Variants in STAT1 observed in about 807,000 individuals in gnomAD.
STAT1 encodes the protein signal transducer and activator of transcription 1, also known as signal transducer and activator of transcription 1-alpha/beta.
A neutral mutation model predicts 111.7 loss-of-function variants in STAT1; 24 were observed. That is an observed-to-expected ratio of 0.21 (90% CI 0.16 to 0.30). STAT1 has a LOEUF of 0.30. Ranked by LOEUF, STAT1 falls within the 10% of genes least tolerant of loss-of-function variation. The pLI, the probability that STAT1 is intolerant of heterozygous loss-of-function variation, is 1.00. For synonymous variants in STAT1, 332 were observed against 326.5 expected, an observed-to-expected ratio of 1.02 and a Z score of -0.18; for missense variants, 351 against 911.9, an observed-to-expected ratio of 0.38 and a Z score of 7.92.
At chr2:191,011,010 T>C (rs1469554557) in intron 2 of STAT1, among the ~76,000 whole-genome samples, 2 of 152,238 alleles carry the variant, frequency 1.3e-5, no homozygotes, top group Non-Finnish European at 2.9e-5. Flanking sequence ...AATCTTGTCC[T>C]GCCAGACCTC....
intron 2 of STAT1, among the ~76,000 whole-genome samples, chr2:191,013,013 G>A (rs566063092): frequency 6.6e-6 from 1 of 152,198 alleles, no homozygotes; most frequent in Non-Finnish European, 1.5e-5. Flanking sequence ...AGTCCCCGGC[G>A]GGGGAAGGTG....
Position 191,007,790 on chromosome 2 carries a change from T to A in STAT1, c.274-129A>T. ...CATCTCTCATCTATTAAATTCTATA[T>A]AAGCTATGTTTGTTAAAATCAAAAT... On this transcript the variant is annotated intron_variant, in intron 4 of 24. Coordinates refer to ENST00000361099, the MANE Select transcript of STAT1 (RefSeq NM_007315.4). The surrounding 1 kb of genome is among the most constrained non-coding windows in gnomAD (Gnocchi z 4.2). The A allele has an allele frequency of 1.4e-6, 1 of 712,558 alleles. No individual in the cohort carries two copies. The highest frequency in any genetic ancestry group is 2.4e-6 in the Non-Finnish European group (1 of 417,826). 44.1% of individuals were successfully genotyped at this position (712,558 alleles called of 1,614,324 possible). A position where few individuals can be genotyped will look rare whatever the true frequency, so the allele number is the denominator to read the frequency against.
chr2:190,985,233 T>C (rs1384206071), intron 15 of STAT1, among the ~76,000 whole-genome samples: 1 of 152,222 alleles, frequency 6.6e-6, no homozygotes, highest in Non-Finnish European at 1.5e-5. Flanking sequence ...AAAAGCCCTC[T>C]TGGCACACAG....
Position 191,012,702 on chromosome 2 carries a change from C to T in STAT1, c.-2+823G>A, listed in dbSNP as rs931680355. Among the ~76,000 whole-genome samples the T allele has an allele frequency of 6.6e-5, 10 of 152,196 alleles. No homozygotes were observed. Among genetic ancestry groups the T allele is most frequent in the Admixed American group, 6.5e-5 (1 of 15,280 alleles). On this transcript the variant is annotated intron_variant, in intron 2 of 24. Coordinates refer to ENST00000361099, the MANE Select transcript of STAT1 (RefSeq NM_007315.4). This position sits in a 1 kb window ranked among gnomAD's most constrained non-coding sequence, Gnocchi z 4.0. ...CTGTCCATTCCTAGGCAGATTTCCACCCCACCCCATCTTCATCCATCAACA... is the reference window on the plus strand; with the variant it reads ...CTGTCCATTCCTAGGCAGATTTCCATCCCACCCCATCTTCATCCATCAACA...
rs1693155088 is a variant in STAT1 at position 190,989,539 on chromosome 2, G to A, written c.1097+76C>T. The A allele has an allele frequency of 1.0e-6, 1 of 1,001,324 alleles. No individual in the cohort carries two copies. The highest frequency in any genetic ancestry group is 1.5e-6 in the Non-Finnish European group (1 of 661,564). 62.0% of individuals were successfully genotyped at this position (1,001,324 alleles called of 1,614,324 possible). On this transcript the variant is annotated intron_variant, in intron 12 of 24. Transcript: ENST00000361099. This position sits in a 1 kb window ranked among gnomAD's most constrained non-coding sequence, Gnocchi z 5.0. ...CAGCTAGAAATCTGCTTATTTAGTG[G>A]AGGAATCTGTGCTTGAGTAACAAAA...
Position 190,978,972 on chromosome 2 carries a change from C to T in STAT1, c.1757G>A (p.Arg586Gln), listed in dbSNP as rs144788879. 5.6e-6 allele frequency: 9 copies of T among 1,614,158 alleles called. No homozygotes were observed. The highest frequency in any genetic ancestry group is 1.1e-5 in the South Asian group (1 of 91,080). ...GCIMGFISKE[R>Q]ERALLKDQQP... ...CTGGTCCTTCAACAGGGCACGCTCT[C>T]GCTCCTTGCTGATGAAGCCCATGAT... is the stretch of plus-strand genomic sequence containing the variant. Residue 586 changes from arginine (R) to glutamine (Q), a missense_variant, in exon 21 of 25, where the codon CGA (arginine) becomes CAA (glutamine). Physicochemically the swap from Arg to Gln is conservative, Grantham distance 43. Around this residue, in one of 7 missense-constraint regions of STAT1, gnomAD observed 181 missense variants for 426.1 expected, o/e 0.42. Coordinates refer to ENST00000361099, the MANE Select transcript of STAT1 (RefSeq NM_007315.4). This position sits in a 1 kb window ranked among gnomAD's most constrained non-coding sequence, Gnocchi z 6.1.
rs1364473367 is a variant in STAT1 at position 190,999,192 on chromosome 2, T to C, written c.541+434A>G. Among the ~76,000 whole-genome samples, 1 of 152,212 alleles carries C rather than the reference T, an allele frequency of 6.6e-6. No individual in the cohort carries two copies. Among genetic ancestry groups the C allele is most frequent in the African/African-American group, 2.4e-5 (1 of 41,444 alleles). On this transcript the variant is annotated intron_variant, in intron 7 of 24. Transcript: ENST00000361099. The surrounding 1 kb of genome is among the most constrained non-coding windows in gnomAD (Gnocchi z 4.1). The stretch of plus-strand genomic sequence containing the variant: ...TGGCCCTGCAACGTTTGAAGAAACC[T>C]GAGATATTAGGGCAGGGGAACTCCA...
chr2:190,987,505 C>A lies in STAT1; in HGVS notation c.1098-437G>T, dbSNP rs763334498. On this transcript the variant is annotated intron_variant, in intron 12 of 24. Coordinates refer to ENST00000361099, the MANE Select transcript of STAT1 (RefSeq NM_007315.4). The surrounding 1 kb of genome is among the most constrained non-coding windows in gnomAD (Gnocchi z 4.0). Reference sequence around the variant, plus strand: ...AGCACTGGGGATCCAGCCAACAGCACTGCCCAGTAGTCACAAAGCTCAGAG... The same window carrying A: ...AGCACTGGGGATCCAGCCAACAGCAATGCCCAGTAGTCACAAAGCTCAGAG... Among the ~76,000 whole-genome samples the A allele has an allele frequency of 6.6e-6, 1 of 152,236 alleles. No homozygotes were observed. The highest frequency in any genetic ancestry group is 1.5e-5 in the Non-Finnish European group (1 of 68,046).
chr2:190,976,064 A>G lies in STAT1; in HGVS notation c.2060-177T>C, dbSNP rs41381545. On this transcript the variant is annotated intron_variant, in intron 22 of 24. Coordinates refer to ENST00000361099, the MANE Select transcript of STAT1 (RefSeq NM_007315.4). This position sits in a 1 kb window ranked among gnomAD's most constrained non-coding sequence, Gnocchi z 6.0. The stretch of plus-strand genomic sequence containing the variant: ...CCTAAAATTCTAGTGGGAATGCAGA[A>G]ACAACGAGAAGAAGGATCTGAATTC... Among the ~76,000 whole-genome samples, 2,377 of 152,324 alleles carry G rather than the reference A, an allele frequency of 0.016. 74 individuals carry two copies. The highest frequency in any genetic ancestry group is 0.054 in the African/African-American group (2,239 of 41,560).
chr2:190,990,862 T>C lies in STAT1; in HGVS notation c.1037+366A>G, dbSNP rs1242480779. Among the ~76,000 whole-genome samples, 2 of 152,214 alleles carry C rather than the reference T, an allele frequency of 1.3e-5. No individual in the cohort carries two copies. Among genetic ancestry groups the C allele is most frequent in the African/African-American group, 2.4e-5 (1 of 41,456 alleles). On this transcript the variant is annotated intron_variant, in intron 11 of 24. Transcript: ENST00000361099. This position sits in a 1 kb window ranked among gnomAD's most constrained non-coding sequence, Gnocchi z 5.1. Reference sequence around the variant, plus strand: ...TGTACATGTTATAAATCCACATTCATACAGCTTCTGGGGTTCATAAGGCTC... The same window carrying C: ...TGTACATGTTATAAATCCACATTCACACAGCTTCTGGGGTTCATAAGGCTC...
intron 10 of STAT1, among the ~76,000 whole-genome samples, 167 bp downstream of exon 10, chr2:190,994,894 T>C (rs1233850392): frequency 1.5e-5 from 2 of 135,550 alleles, no homozygotes; most frequent in African/African-American, 5.6e-5. Flanking sequence ...CTAGCCTGGG[T>C]GATAGGTGAG....
intron 12 of STAT1, among the ~76,000 whole-genome samples, chr2:190,988,188 T>C (rs1200237774): frequency 3.3e-5 from 5 of 152,190 alleles, no homozygotes; most frequent in African/African-American, 1.2e-4. Context: ...TGGAACACTG[T>C]CACCATGGGA....
In STAT1 at chr2:190,983,565, G is replaced by T; in HGVS notation, c.1446+77C>A. 2.3e-6 allele frequency: 3 copies of T among 1,291,226 alleles called. No individual in the cohort carries two copies. The highest frequency in any genetic ancestry group is 3.4e-6 in the Non-Finnish European group (3 of 886,984). 80.0% of individuals were successfully genotyped at this position (1,291,226 alleles called of 1,614,324 possible). A position where few individuals can be genotyped will look rare whatever the true frequency, so the allele number is the denominator to read the frequency against. On this transcript the variant is annotated intron_variant, in intron 17 of 24. Coordinates refer to ENST00000361099, the MANE Select transcript of STAT1 (RefSeq NM_007315.4). The surrounding 1 kb of genome is among the most constrained non-coding windows in gnomAD (Gnocchi z 5.7). ...TCTCCCTTAACAACTGGCCATTGGG[G>T]CTATTTCAGAGATGCAGCAGTGAGA...
At position 190,995,970 on chromosome 2, in the gene STAT1, T is replaced by G. The variant is rs1302986333; in HGVS notation, c.786-751A>C. Among the ~76,000 whole-genome samples the G allele has an allele frequency of 6.6e-6, 1 of 152,090 alleles. No individual in the cohort carries two copies. Among genetic ancestry groups the G allele is most frequent in the African/African-American group, 2.4e-5 (1 of 41,406 alleles). On this transcript the variant is annotated intron_variant, in intron 9 of 24. Transcript: ENST00000361099. This position sits in a 1 kb window ranked among gnomAD's most constrained non-coding sequence, Gnocchi z 4.2. ...GATGCAAGAGGCAGCAAAGAGCCAC[T>G]GCAGGTTCTGTCAAGAGAGTGGCAT... is the stretch of plus-strand genomic sequence containing the variant.
rs772386362 is a variant in STAT1, at chr2:191,001,166, G to A, written c.373-3C>T. 1.2e-6 allele frequency: 2 copies of A among 1,611,422 alleles called. No individual in the cohort carries two copies. The highest frequency in any genetic ancestry group is 1.7e-6 in the Non-Finnish European group (2 of 1,177,526). The stretch of plus-strand genomic sequence containing the variant: ...CTCTGAATATTCCCCGACTGAGCCT[G>A]TAATGGGAAGGGCATGATTATAGCC... On this transcript the variant is annotated splice_region_variant and splice_polypyrimidine_tract_variant and intron_variant, in intron 5 of 24. Transcript: ENST00000361099.
chr2:190,999,774 T>C lies in STAT1; in HGVS notation c.463-70A>G. 2 of 1,083,018 alleles carry C rather than the reference T, an allele frequency of 1.8e-6. No individual in the cohort carries two copies. Among genetic ancestry groups the C allele is most frequent in the Non-Finnish European group, 1.4e-6 (1 of 705,748 alleles). The allele number at this position is 1,083,018 out of a possible 1,614,324, so 67.1% of individuals were successfully genotyped here. On this transcript the variant is annotated intron_variant, in intron 6 of 24. Coordinates refer to ENST00000361099, the MANE Select transcript of STAT1 (RefSeq NM_007315.4). This position sits in a 1 kb window ranked among gnomAD's most constrained non-coding sequence, Gnocchi z 4.1. Reference sequence around the variant, plus strand: ...CCAAAGACTTTAGGCAACAGAGTATTGCTTCTATGGAACCCAGAGAAACAC... The same window carrying C: ...CCAAAGACTTTAGGCAACAGAGTATCGCTTCTATGGAACCCAGAGAAACAC...
At position 190,971,661 on chromosome 2, in the gene STAT1, G is replaced by T. The variant is rs1462789877; in HGVS notation, c.2239-944C>A. 6.6e-6 allele frequency among the ~76,000 whole-genome samples: 1 copy of T among 151,992 alleles called. No homozygotes were observed. The highest frequency in any genetic ancestry group is 1.9e-4 in the East Asian group (1 of 5,178). ...TTTTGGATTGAAAAGCACAGTGAAAGTGTTGCCCCTATGTTTCAGTCTAGC... is the reference window on the plus strand; with the variant it reads ...TTTTGGATTGAAAAGCACAGTGAAATTGTTGCCCCTATGTTTCAGTCTAGC... On this transcript the variant is annotated intron_variant, in intron 24 of 24. Coordinates refer to ENST00000361099, the MANE Select transcript of STAT1 (RefSeq NM_007315.4). The surrounding 1 kb of genome is among the most constrained non-coding windows in gnomAD (Gnocchi z 4.1).
In STAT1 at chr2:190,969,348, A is replaced by G. The variant is rs1691285148; in HGVS notation, c.*1355T>C. 6.6e-6 allele frequency: 1 copy of G among 152,158 alleles called. No individual in the cohort carries two copies. Among genetic ancestry groups the G allele is most frequent in the Admixed American group, 6.5e-5 (1 of 15,272 alleles). 9.4% of individuals were successfully genotyped at this position (152,158 alleles called of 1,614,324 possible). A position where few individuals can be genotyped will look rare whatever the true frequency, so the allele number is the denominator to read the frequency against. On this transcript the variant is annotated 3_prime_UTR_variant, in exon 25 of 25. Coordinates refer to ENST00000361099, the MANE Select transcript of STAT1 (RefSeq NM_007315.4). ...ACTTTAGCTTTAATTTTAAAACAAA[A>G]CTCAAGAAATCTTTATCTCCACCAA...
chr2:190,978,774 T>G lies in STAT1; in HGVS notation c.1873+82A>C, dbSNP rs184474791. Reference sequence around the variant, plus strand: ...GCAATTTCATGTCCCAAACGCACTATCTGTATGAGCTGACTGGCGGCGATG... The same window carrying G: ...GCAATTTCATGTCCCAAACGCACTAGCTGTATGAGCTGACTGGCGGCGATG... On this transcript the variant is annotated intron_variant, in intron 21 of 24. Transcript: ENST00000361099. The surrounding 1 kb of genome is among the most constrained non-coding windows in gnomAD (Gnocchi z 6.1). The G allele has an allele frequency of 6.4e-7, 1 of 1,561,478 alleles. No individual in the cohort carries two copies. Among genetic ancestry groups the G allele is most frequent in the African/African-American group, 1.4e-5 (1 of 74,022 alleles).
Sources: gnomAD v4.1 joint callset for allele counts (sites outside exome capture counted in the v4.1 genomes callset) on GRCh38, gnomAD v4.1.1 for gene constraint, gnomAD v4.1.1 regional missense constraint, Gnocchi (gnomAD v3.1) non-coding constraint, MANE v1.5 for transcripts, NCBI Gene and HGNC (gene_info 2026-07-23, HGNC 2026-07-21) for gene names.